Variants in TEX9 observed in about 807,000 individuals in gnomAD.
TEX9 encodes the protein testis-expressed protein 9.
A neutral mutation model predicts 59.6 loss-of-function variants in TEX9; 74 were observed. The observed-to-expected ratio is 1.24, with a 90% CI of 1.03 to 1.51. The LOEUF is 1.51. Ranked by LOEUF, TEX9 falls within the 40% of genes most tolerant of loss-of-function variation. The pLI is 0.00. For missense variants in TEX9, 522 were observed against 447.8 expected (o/e 1.17, Z -1.49); for synonymous variants, 186 against 152.2 (o/e 1.22, Z -1.64).
chr15:56,323,724 GAGGAGGAGGAGGAGA>G (rs1293488696), intron 1 of TEX9: 3 of 9,638 alleles, frequency 3.1e-4, no homozygotes, highest in Non-Finnish European at 6.4e-4. Context: ...GAAGGAGGAA[GAGGAGGAGGAGGAGA>G]AGGAGGAGAA....
chr15:56,446,118 G>A (rs924207342), downstream of TEX9: 1 of 151,930 alleles, frequency 6.6e-6, no homozygotes, highest in Non-Finnish European at 1.5e-5. Flanking sequence ...CACTGGTTAA[G>A]TATTTTGATA....
At chr15:56,338,616 C>T (rs936893829) in intron 1 of TEX9, among the ~76,000 whole-genome samples, 3 of 152,272 alleles carry the variant, frequency 2.0e-5, no homozygotes, top group East Asian at 3.9e-4. Context: ...CCCCAGACCA[C>T]TGGACTGTTA....
chr15:56,398,756 T>G (rs528323648), intron 9 of TEX9, among the ~76,000 whole-genome samples: 1 of 152,178 alleles, frequency 6.6e-6, no homozygotes, highest in Non-Finnish European at 1.5e-5. Context: ...ACTTTTCCCT[T>G]TGTAGGGGGA....
chr15:56,345,915 A>T (rs554256615), intron 1 of TEX9, among the ~76,000 whole-genome samples: 1 of 152,324 alleles, frequency 6.6e-6, no homozygotes, highest in African/African-American at 2.4e-5. Flanking sequence ...TCTGGGCCCC[A>T]TCCTTCTGAT....
At chr15:56,390,507 A>G (rs2142268292) in intron 6 of TEX9, among the ~76,000 whole-genome samples, 1 of 152,140 alleles carries the variant, frequency 6.6e-6, no homozygotes, top group South Asian at 2.1e-4. Context: ...TGAATTGTGA[A>G]GCCTTTGCTT....
rs1363169989 is a variant in TEX9, at chr15:56,377,437, GT to G, written c.183+3937del. Among the ~76,000 whole-genome samples, 4 of 152,144 alleles carry G rather than the reference GT, an allele frequency of 2.6e-5. No individual in the cohort carries two copies. In the East Asian group the frequency reaches 7.7e-4, roughly 29 times the overall value. On this transcript the variant is annotated intron_variant, in intron 3 of 12. Coordinates refer to ENST00000352903, the Ensembl canonical transcript of TEX9. The stretch of plus-strand genomic sequence containing the variant: ...GTCCTCTTCAATTTCTTGCATTGAT[GT>G]TTTATAGTTTTTGTTGTAGAGATCT...
chr15:56,406,213 G>A lies in TEX9; in HGVS notation c.829-6089G>A, dbSNP rs1402984786. ...TTCATACAAATGAAATCGTGAATAT[G>A]GACTTTTGTATATCTGGCTATTTTT... On this transcript the variant is annotated intron_variant, in intron 9 of 12. Transcript: ENST00000352903. Among the ~76,000 whole-genome samples, 3 of 151,980 alleles carry A rather than the reference G, an allele frequency of 2.0e-5. No individual in the cohort carries two copies. In the East Asian group the frequency reaches 5.8e-4, roughly 29 times the overall value.
chr15:56,384,595 G>T (rs1459985084), intron 4 of TEX9, among the ~76,000 whole-genome samples: 1 of 152,142 alleles, frequency 6.6e-6, no homozygotes, highest in South Asian at 2.1e-4. Flanking sequence ...TTACTATCCT[G>T]CTTATCTTTG....
chr15:56,412,846 G>GT (rs2049430872), intron 10 of TEX9, among the ~76,000 whole-genome samples: 1 of 152,166 alleles, frequency 6.6e-6, no homozygotes, highest in Non-Finnish European at 1.5e-5. Context: ...ACTTGAGCAT[G>GT]TATCAGAATC....
chr15:56,293,721 A>G (rs537493127), intron 1 of TEX9, among the ~76,000 whole-genome samples: 2 of 152,306 alleles, frequency 1.3e-5, no homozygotes, highest in Admixed American at 6.5e-5. Context: ...AAGCCCTAGT[A>G]AAAACTCTGG....
chr15:56,268,665 G>C (rs144779299), intron 1 of TEX9, among the ~76,000 whole-genome samples: 3,495 of 151,870 alleles, frequency 0.023, 133 homozygotes, highest in African/African-American at 0.078. Context: ...TTGCATCCCA[G>C]GGATGAAGCC....
chr15:56,447,010 C>T (rs572950155), downstream of TEX9: 1 of 1,042,234 alleles, frequency 9.6e-7, no homozygotes, highest in Non-Finnish European at 1.4e-6. Context: ...TCACAGAAAA[C>T]TGAGTAACTG....
chr15:56,378,129 A>G (rs1462111080), intron 3 of TEX9, among the ~76,000 whole-genome samples: 1 of 152,008 alleles, frequency 6.6e-6, no homozygotes, highest in East Asian at 1.9e-4. Flanking sequence ...GTTTGCTAGT[A>G]TTTTTTGAGG....
chr15:56,309,501 A>C (rs1257311667), intron 1 of TEX9, among the ~76,000 whole-genome samples: 1 of 152,070 alleles, frequency 6.6e-6, no homozygotes, highest in Non-Finnish European at 1.5e-5. Context: ...TTCATAAGGA[A>C]TATTGGTCTG....
chr15:56,351,198 A>G (rs145039116), intron 1 of TEX9, among the ~76,000 whole-genome samples: 2 of 152,348 alleles, frequency 1.3e-5, no homozygotes, highest in African/African-American at 4.8e-5. Flanking sequence ...ACAATACACA[A>G]GAAATGTGTA....
In TEX9 at chr15:56,257,983, G is replaced by A. The variant is rs148382878; in HGVS notation, c.-107+13705G>A. Among the ~76,000 whole-genome samples the A allele has an allele frequency of 2.7e-3, 404 of 152,124 alleles. 4 individuals are homozygous for A. Among genetic ancestry groups the A allele is most frequent in the African/African-American group, 9.2e-3 (384 of 41,522 alleles). ...ATTTTTGTATATGGTATAAGGAAGTGTCCACTTTCAGTTTTCTTCATATGG... is the reference window on the plus strand; with the variant it reads ...ATTTTTGTATATGGTATAAGGAAGTATCCACTTTCAGTTTTCTTCATATGG... On this transcript the variant is annotated intron_variant, in intron 1 of 5. Transcript: ENST00000560827.
intron 1 of TEX9, among the ~76,000 whole-genome samples, chr15:56,285,336 G>A (rs1468587981): frequency 1.3e-5 from 2 of 152,162 alleles, no homozygotes; most frequent in Non-Finnish European, 2.9e-5. Context: ...GGAAACAGAG[G>A]TCGTAGATAA....
At position 56,366,069 on chromosome 15, in the gene TEX9, T is replaced by C. The variant is rs562151871; in HGVS notation, c.119+399T>C. Reference sequence around the variant, plus strand: ...TGTAAATTTCCTTTAGGTTGGTTTCTAAATTGAAAGGATGCTTCCCACTGC... The same window carrying C: ...TGTAAATTTCCTTTAGGTTGGTTTCCAAATTGAAAGGATGCTTCCCACTGC... On this transcript the variant is annotated intron_variant, in intron 2 of 12. Coordinates refer to ENST00000352903, the Ensembl canonical transcript of TEX9. 6.6e-5 allele frequency among the ~76,000 whole-genome samples: 10 copies of C among 152,332 alleles called. No individual in the cohort carries two copies. In the South Asian group the frequency reaches 2.1e-3, roughly 32 times the overall value.
rs139239321 is a variant in TEX9, at chr15:56,289,957, T to C, written c.-107+45679T>C. On this transcript the variant is annotated intron_variant, in intron 1 of 5. Transcript: ENST00000560827. ...GGCATCAGGCTGATGTCTAGCTCTC[T>C]ATGGCAGCTGAGCCAGTTCTGGAGT... 8.3e-3 allele frequency among the ~76,000 whole-genome samples: 1,271 copies of C among 152,316 alleles called. 12 individuals are homozygous for C. The highest frequency in any genetic ancestry group is 0.011 in the Non-Finnish European group (745 of 68,012).
Sources: gnomAD v4.1 joint callset for allele counts (sites outside exome capture counted in the v4.1 genomes callset) on GRCh38, gnomAD v4.1.1 for gene constraint, MANE v1.5 for transcripts, NCBI Gene and HGNC (gene_info 2026-07-23, HGNC 2026-07-21) for gene names.